ANKRD12: variants seen among roughly 807,000 people sequenced by gnomAD.
ANKRD12 encodes ankyrin repeat domain 12.
In ANKRD12, 85 loss-of-function variants were observed where a neutral mutation model predicts 183.4. That is an observed-to-expected ratio of 0.46 (90% CI 0.39 to 0.56). The LOEUF (loss-of-function observed/expected upper bound fraction) is 0.56, where lower values mean the gene tolerates loss of function less well. Among genes scored for constraint, ANKRD12 ranks in the 20% least tolerant of loss-of-function variants. ANKRD12 has a pLI of 0.00. For missense variants in ANKRD12, 2,405 were observed against 2,357.1 expected (o/e 1.02, Z -0.42); for synonymous variants, 914 against 800.2 (o/e 1.14, Z -2.40).
At chr18:9,188,034 A>G (rs1413017952) in intron 2 of ANKRD12, among the ~76,000 whole-genome samples, 2 of 152,264 alleles carry the variant, frequency 1.3e-5, no homozygotes, top group African/African-American at 2.4e-5. Context: ...CTTGTCAACA[A>G]CTGTGAAGGT....
In ANKRD12 at chr18:9,258,596, G is replaced by T. The variant is rs762769796; in HGVS notation, c.5329G>T (p.Asp1777Tyr). ...PRGRIRLTED[D>Y]DPQIHHPRKR... ...AGGAAGAATAAGATTAACTGAAGAT[G>T]ACGATCCTCAAATTCACCATCCACG... is the stretch of plus-strand genomic sequence containing the variant. The change falls in exon 9 of 13, where the codon GAC becomes TAC. Residue 1777 changes from aspartate (D) to tyrosine (Y), a missense_variant. Asp to Tyr is a radical substitution (Grantham distance 160). Coordinates refer to ENST00000262126, the MANE Select transcript of ANKRD12 (RefSeq NM_015208.5). 8 of 1,613,852 alleles carry T rather than the reference G, an allele frequency of 5.0e-6. No homozygotes were observed. Among genetic ancestry groups the T allele is most frequent in the South Asian group, 1.1e-5 (1 of 91,032 alleles).
chr18:9,202,828 T>C (rs571821931), intron 3 of ANKRD12, among the ~76,000 whole-genome samples: 1 of 152,344 alleles, frequency 6.6e-6, no homozygotes, highest in African/African-American at 2.4e-5. Flanking sequence ...TAAAGCTTTA[T>C]AGACTATTCA....
intron 9 of ANKRD12, among the ~76,000 whole-genome samples, chr18:9,262,424 C>T (rs2039022853): frequency 6.6e-6 from 1 of 152,126 alleles, no homozygotes; most frequent in African/African-American, 2.4e-5. Context: ...TGGTTATTGC[C>T]ATCTCTTGGA....
intron 5 of ANKRD12, among the ~76,000 whole-genome samples, chr18:9,209,023 C>T (rs557626455): frequency 3.9e-5 from 6 of 152,286 alleles, no homozygotes; most frequent in African/African-American, 1.4e-4. Flanking sequence ...GGGCTCTTTA[C>T]ACCATGTGTA....
chr18:9,144,045 C>G (rs2078411425), intron 1 of ANKRD12, among the ~76,000 whole-genome samples: 1 of 152,020 alleles, frequency 6.6e-6, no homozygotes, highest in African/African-American at 2.4e-5. Context: ...ATTATATTAC[C>G]ACTTTCATTT....
chr18:9,259,180 A>G (rs1486318859), intron 9 of ANKRD12, among the ~76,000 whole-genome samples: 3 of 152,236 alleles, frequency 2.0e-5, no homozygotes, highest in Admixed American at 2.0e-4. Flanking sequence ...AGGTATAACT[A>G]TAAAGAACAA....
At chr18:9,188,327 T>C (rs2034238414) in intron 2 of ANKRD12, among the ~76,000 whole-genome samples, 1 of 152,162 alleles carries the variant, frequency 6.6e-6, no homozygotes, top group Non-Finnish European at 1.5e-5. Flanking sequence ...GAGACATTAT[T>C]ACACTGGACA....
intron 11 of ANKRD12, among the ~76,000 whole-genome samples, chr18:9,278,752 C>A (rs961826052): frequency 4.0e-5 from 6 of 151,636 alleles, no homozygotes; most frequent in African/African-American, 1.5e-4. Context: ...AGTCAAGATT[C>A]CAGCCTGGGT....
chr18:9,256,380 A>T lies in ANKRD12; in HGVS notation c.3113A>T (p.Gln1038Leu). The change falls in exon 9 of 13, where the codon CAA becomes CTA. Residue 1038 changes from glutamine (Q) to leucine (L), a missense_variant. Physicochemically the swap from Gln to Leu is moderately radical, Grantham distance 113 (BLOSUM62 -2). This residue lies in a region of ANKRD12 where 1,983 missense variants were observed against 1,725.9 expected (regional missense o/e 1.15). Transcript: ENST00000262126. ...CGAGACAAACATAAAGATAAAATTC[A>T]AATAAATAGCTTACTCAAACTAAAA... is the stretch of plus-strand genomic sequence containing the variant. Reference protein sequence around the residue: ...KERDKHKDKIQINSLLKLKSE... With the variant: ...KERDKHKDKILINSLLKLKSE... The T allele has an allele frequency of 6.2e-7, 1 of 1,604,536 alleles. No homozygotes were observed. The highest frequency in any genetic ancestry group is 8.5e-7 in the Non-Finnish European group (1 of 1,176,978).
rs371214935 is a variant in ANKRD12, at chr18:9,219,183, T to C, written c.795+2283T>C. Reference sequence around the variant, plus strand: ...ACCAGCTGTACCTGATTCTGTATAGTCATGTAATAAGTATTTATTGATGTA... The same window carrying C: ...ACCAGCTGTACCTGATTCTGTATAGCCATGTAATAAGTATTTATTGATGTA... On this transcript the variant is annotated intron_variant, in intron 7 of 12. Transcript: ENST00000262126. 1.1e-4 allele frequency among the ~76,000 whole-genome samples: 16 copies of C among 152,332 alleles called. No homozygotes were observed. In the South Asian group the frequency reaches 3.3e-3, roughly 32 times the overall value.
In ANKRD12 at chr18:9,283,168, T is replaced by C. The variant is rs140537743; in HGVS notation, c.*2042T>C. 1.1e-4 allele frequency: 16 copies of C among 152,274 alleles called. No individual in the cohort carries two copies. Among genetic ancestry groups the C allele is most frequent in the Middle Eastern group, 3.4e-3 (1 of 294 alleles). 9.4% of individuals were successfully genotyped at this position (152,274 alleles called of 1,614,324 possible). ...ACCAGATAATTGAACTTTGAAGTTATAGAAAATCAGAGAGGGGTAAGTTTA... is the reference window on the plus strand; with the variant it reads ...ACCAGATAATTGAACTTTGAAGTTACAGAAAATCAGAGAGGGGTAAGTTTA... On this transcript the variant is annotated 3_prime_UTR_variant, in exon 13 of 13. Coordinates refer to ENST00000262126, the MANE Select transcript of ANKRD12 (RefSeq NM_015208.5).
intron 6 of ANKRD12, among the ~76,000 whole-genome samples, chr18:9,213,771 A>G (rs1206217957): frequency 1.3e-5 from 2 of 151,888 alleles, no homozygotes; most frequent in Non-Finnish European, 2.9e-5. Context: ...TAACTTTTTA[A>G]TTACAAAAGT....
intron 8 of ANKRD12, among the ~76,000 whole-genome samples, chr18:9,230,918 T>G (rs1466033554): frequency 2.0e-5 from 3 of 152,176 alleles, no homozygotes; most frequent in Admixed American, 6.6e-5. Context: ...TCTGCCCGCT[T>G]CGGCCTCCCA....
In ANKRD12 at chr18:9,216,743, A is replaced by AT. The variant is rs1289017815; in HGVS notation, c.653-14dup. On this transcript the variant is annotated splice_polypyrimidine_tract_variant and intron_variant, in intron 6 of 12. Transcript: ENST00000262126. The stretch of plus-strand genomic sequence containing the variant: ...AGCGCAAGTGAATCATGTTAAATTA[A>AT]TAATCTAACTTTAGGTTGGACACCA... 1.9e-6 allele frequency: 3 copies of AT among 1,609,236 alleles called. No individual in the cohort carries two copies. Among genetic ancestry groups the AT allele is most frequent in the East Asian group, 4.5e-5 (2 of 44,756 alleles).
intron 1 of ANKRD12, among the ~76,000 whole-genome samples, chr18:9,155,744 A>C (rs1226940248): frequency 6.6e-6 from 1 of 151,594 alleles, no homozygotes; most frequent in South Asian, 2.1e-4. Context: ...TTCTTTGTTC[A>C]TGTCTTCTGA....
At position 9,258,183 on chromosome 18, in the gene ANKRD12, G is replaced by A. The variant is rs142559282; in HGVS notation, c.4916G>A (p.Ser1639Asn). The A allele has an allele frequency of 8.7e-6, 14 of 1,613,712 alleles. No individual in the cohort carries two copies. The highest frequency in any genetic ancestry group is 2.7e-5 in the African/African-American group (2 of 74,914). ...ISHEKENKLESLVLTHLSRCD... is the reference protein window; with the variant it reads ...ISHEKENKLENLVLTHLSRCD... ...CATGAAAAAGAAAACAAACTGGAGAGTTTGGTTTTAACTCATTTGAGTAGG... is the reference window on the plus strand; with the variant it reads ...CATGAAAAAGAAAACAAACTGGAGAATTTGGTTTTAACTCATTTGAGTAGG... The change falls in exon 9 of 13, where the codon AGT (serine) becomes AAT (asparagine). Residue 1639 changes from serine to asparagine, a missense_variant. Physicochemically the swap from Ser to Asn is conservative, Grantham distance 46 (BLOSUM62 1). This residue lies in a region of ANKRD12 where 1,983 missense variants were observed against 1,725.9 expected (regional missense o/e 1.15). Coordinates refer to ENST00000262126, the MANE Select transcript of ANKRD12 (RefSeq NM_015208.5).
chr18:9,209,190 A>T (rs905423176), intron 5 of ANKRD12, among the ~76,000 whole-genome samples: 1 of 152,214 alleles, frequency 6.6e-6, no homozygotes, highest in Non-Finnish European at 1.5e-5. Flanking sequence ...ATAATTGATG[A>T]TGACTTACCA....
chr18:9,249,266 C>CT (rs1316074519), intron 8 of ANKRD12, among the ~76,000 whole-genome samples: 3 of 152,160 alleles, frequency 2.0e-5, no homozygotes, highest in Non-Finnish European at 1.5e-5. Flanking sequence ...TAACCACACT[C>CT]TCACCCCTCT....
intron 1 of ANKRD12, among the ~76,000 whole-genome samples, chr18:9,147,762 T>A (rs1001342055): frequency 3.9e-5 from 6 of 152,150 alleles, no homozygotes; most frequent in African/African-American, 1.2e-4. Context: ...AAGTATAGAT[T>A]TGAGAGGAAC....
Sources: gnomAD v4.1 joint callset for allele counts (sites outside exome capture counted in the v4.1 genomes callset) on GRCh38, gnomAD v4.1.1 for gene constraint, gnomAD v4.1.1 regional missense constraint, MANE v1.5 for transcripts, NCBI Gene and HGNC (gene_info 2026-07-23, HGNC 2026-07-21) for gene names.